PDGFC: variants seen among roughly 807,000 people sequenced by gnomAD.
PDGFC encodes the protein platelet-derived growth factor C.
PDGFC carries 12 observed loss-of-function variants against 35.5 expected under a neutral mutation model. That is an observed-to-expected ratio of 0.34 (90% CI 0.22 to 0.55). The LOEUF is 0.55. PDGFC is among the 20% of genes least tolerant of loss of function. PDGFC has a pLI of 0.91. For missense variants in PDGFC, 322 were observed against 412.4 expected (o/e 0.78, Z 1.90); for synonymous variants, 159 against 148.8 (o/e 1.07, Z -0.50).
intron 5 of PDGFC, among the ~76,000 whole-genome samples, chr4:156,766,803 T>C (rs1730541911): frequency 6.6e-6 from 1 of 152,062 alleles, no homozygotes; most frequent in Non-Finnish European, 1.5e-5. Flanking sequence ...TGGCAATTGA[T>C]AAAGTGGGAA....
chr4:156,839,889 A>G (rs1729156454), intron 2 of PDGFC, among the ~76,000 whole-genome samples: 1 of 152,182 alleles, frequency 6.6e-6, no homozygotes, highest in South Asian at 2.1e-4. Context: ...TACTTTAGGA[A>G]AGAGACTGGC....
At chr4:156,890,290 C>CA (rs138833923) in intron 1 of PDGFC, among the ~76,000 whole-genome samples, 1 of 151,802 alleles carries the variant, frequency 6.6e-6, no homozygotes, top group African/African-American at 2.4e-5. Context: ...TTGTCCACTG[C>CA]AAAAAAACAG....
chr4:156,891,845 A>G (rs1424156015), intron 1 of PDGFC, among the ~76,000 whole-genome samples: 1 of 152,236 alleles, frequency 6.6e-6, no homozygotes, highest in Non-Finnish European at 1.5e-5. Context: ...CTTTGATTAC[A>G]AGTGATCATT....
chr4:156,864,613 G>A (rs1160204636), intron 1 of PDGFC, among the ~76,000 whole-genome samples: 2 of 152,050 alleles, frequency 1.3e-5, no homozygotes, highest in Non-Finnish European at 2.9e-5. Flanking sequence ...CTTTTTCTGT[G>A]CTGGATGTGG....
At chr4:156,792,078 C>G (rs188295754) in intron 3 of PDGFC, among the ~76,000 whole-genome samples, 1 of 152,080 alleles carries the variant, frequency 6.6e-6, no homozygotes, top group East Asian at 1.9e-4. Flanking sequence ...TCTGTCAATC[C>G]CAAGGTCCAA....
rs189215998 is a variant in PDGFC at position 156,892,779 on chromosome 4, T to C, written c.119-42363A>G. Among the ~76,000 whole-genome samples the C allele has an allele frequency of 6.6e-5, 10 of 152,378 alleles. No individual in the cohort carries two copies. The East Asian group carries it at 9.6e-4, about 15-fold the overall frequency. On this transcript the variant is annotated intron_variant, in intron 1 of 5. Transcript: ENST00000502773. ...ACATAAATTGAACTGCATAAGCATG[T>C]TGAACCACAGTATCATTTGCTGCAG...
intron 1 of PDGFC, among the ~76,000 whole-genome samples, chr4:156,929,619 T>C (rs1480118151): frequency 6.6e-6 from 1 of 152,216 alleles, no homozygotes; most frequent in Non-Finnish European, 1.5e-5. Context: ...ACAAAATCTT[T>C]CCTCTTCCCC....
intron 1 of PDGFC, among the ~76,000 whole-genome samples, chr4:156,880,655 T>C (rs891390600): frequency 1.3e-5 from 2 of 152,208 alleles, no homozygotes; most frequent in Non-Finnish European, 2.9e-5. Context: ...CCAGAGATAG[T>C]GATTCCTCAG....
intron 1 of PDGFC, among the ~76,000 whole-genome samples, chr4:156,925,135 A>T (rs900704323): frequency 6.6e-6 from 1 of 152,220 alleles, no homozygotes; most frequent in African/African-American, 2.4e-5. Context: ...CTGGAGCTCC[A>T]TGTGTTTTCA....
rs1033876165 is a variant in PDGFC at position 156,784,009 on chromosome 4, T to C, written c.496-11116A>G. On this transcript the variant is annotated intron_variant, in intron 3 of 5. Coordinates refer to ENST00000502773, the MANE Select transcript of PDGFC (RefSeq NM_016205.3). ...AACTATGTAATACAGGCAAAATTGG[T>C]AAGAAAGAAGGAAAAGTTCAGGTTG... Among the ~76,000 whole-genome samples, 5 of 152,190 alleles carry C rather than the reference T, an allele frequency of 3.3e-5. No homozygotes were observed. In the East Asian group the frequency reaches 5.8e-4, roughly 18 times the overall value.
intron 3 of PDGFC, among the ~76,000 whole-genome samples, chr4:156,804,226 A>C (rs1731694161): frequency 6.6e-6 from 1 of 152,070 alleles, no homozygotes; most frequent in Non-Finnish European, 1.5e-5. Context: ...AAACAAATAA[A>C]TAAATAACTG....
chr4:156,796,434 C>A (rs535145799), intron 3 of PDGFC, among the ~76,000 whole-genome samples: 1 of 148,872 alleles, frequency 6.7e-6, no homozygotes, highest in Non-Finnish European at 1.5e-5. Context: ...ATTATATATT[C>A]ATGCAAGATG....
rs3775727 is a variant in PDGFC, at chr4:156,767,519, G to A, written c.921+254C>T. Among the ~76,000 whole-genome samples, 92 of 150,976 alleles carry A rather than the reference G, an allele frequency of 6.1e-4. No homozygotes were observed. The East Asian group carries it at 0.017, about 27-fold the overall frequency. On this transcript the variant is annotated intron_variant, in intron 5 of 5. Coordinates refer to ENST00000502773, the MANE Select transcript of PDGFC (RefSeq NM_016205.3). The stretch of plus-strand genomic sequence containing the variant: ...TTCCCTCAGAAAACACTTTATTTTT[G>A]GTATGAGAGGCAAAAACTTCACTGA...
intron 1 of PDGFC, among the ~76,000 whole-genome samples, chr4:156,920,576 A>C (rs944263577): frequency 2.0e-5 from 3 of 152,070 alleles, no homozygotes; most frequent in African/African-American, 7.2e-5. Context: ...AAAAGAAAAA[A>C]ATGATCTAAG....
At chr4:156,781,004 T>C (rs1262976642) in intron 3 of PDGFC, among the ~76,000 whole-genome samples, 1 of 152,154 alleles carries the variant, frequency 6.6e-6, no homozygotes, top group Non-Finnish European at 1.5e-5. Context: ...CCCAAGGATC[T>C]CTGCTTGGAC....
At chr4:156,859,656 A>T (rs1352909120) in intron 1 of PDGFC, among the ~76,000 whole-genome samples, 1 of 152,044 alleles carries the variant, frequency 6.6e-6, no homozygotes, top group East Asian at 1.9e-4. Flanking sequence ...CACACTCCCA[A>T]CCTGTAACAA....
chr4:156,836,592 A>G (rs1352892082), intron 2 of PDGFC, among the ~76,000 whole-genome samples: 1 of 152,182 alleles, frequency 6.6e-6, no homozygotes, highest in Non-Finnish European at 1.5e-5. Context: ...TACAGTAAAC[A>G]CTGACTAGGA....
chr4:156,836,475 T>A (rs544827232), intron 2 of PDGFC, among the ~76,000 whole-genome samples: 2 of 152,338 alleles, frequency 1.3e-5, no homozygotes, highest in South Asian at 2.1e-4. Context: ...ATATACCAAC[T>A]GAAAACCCTT....
chr4:156,901,826 G>C (rs1730794273), intron 1 of PDGFC, among the ~76,000 whole-genome samples: 1 of 151,982 alleles, frequency 6.6e-6, no homozygotes, highest in Admixed American at 6.6e-5. Context: ...TTGGCAGGCT[G>C]GTCTCAAACT....
Sources: allele counts gnomAD v4.1 joint callset (sites outside exome capture counted in the v4.1 genomes callset), GRCh38; gene constraint gnomAD v4.1.1; transcripts MANE v1.5; gene names NCBI Gene and HGNC (gene_info 2026-07-23, HGNC 2026-07-21).